Variants in MCC observed in about 807,000 individuals in gnomAD.
MCC encodes the protein MCC regulator of Wnt signaling pathway.
A neutral mutation model predicts 116.2 loss-of-function variants in MCC; 90 were observed. The ratio of observed to expected loss-of-function variants is 0.77; its 90% confidence interval spans 0.65 to 0.92. MCC has a LOEUF of 0.92. MCC is among the 40% of genes least tolerant of loss of function. The probability of loss-of-function intolerance (pLI) is 0.00; values close to 1 mark genes in which losing one functional copy is unlikely to be tolerated. For missense variants in MCC, 1,516 were observed against 1,312.2 expected (o/e 1.16, Z -2.40); for synonymous variants, 578 against 510.5 (o/e 1.13, Z -1.78).
intron 2 of MCC, among the ~76,000 whole-genome samples, chr5:113,381,183 C>G (rs1456603153): frequency 6.6e-6 from 1 of 152,168 alleles, no homozygotes; most frequent in Admixed American, 6.5e-5. Flanking sequence ...TGGGCAGATT[C>G]TGGCTATACT....
chr5:113,164,227 T>C (rs997482813), intron 3 of MCC, among the ~76,000 whole-genome samples: 1 of 152,238 alleles, frequency 6.6e-6, no homozygotes, highest in Non-Finnish European at 1.5e-5. Flanking sequence ...ACTATGTCTA[T>C]GTGCTAAAAA....
chr5:113,486,660 T>C (rs555000338), intron 1 of MCC, among the ~76,000 whole-genome samples: 1 of 152,072 alleles, frequency 6.6e-6, no homozygotes, highest in East Asian at 1.9e-4. Flanking sequence ...CCTGGCCAAA[T>C]TGTGAAGCCC....
chr5:113,416,817 T>G (rs1393210648), intron 1 of MCC, among the ~76,000 whole-genome samples: 1 of 152,202 alleles, frequency 6.6e-6, no homozygotes, highest in East Asian at 1.9e-4. Flanking sequence ...TCTCATTTTA[T>G]TTTACATTTT....
chr5:113,084,560 G>A (rs1755072603), intron 9 of MCC, among the ~76,000 whole-genome samples: 1 of 152,200 alleles, frequency 6.6e-6, no homozygotes, highest in Non-Finnish European at 1.5e-5. Context: ...GAAAACACTG[G>A]TTTAACCTAA....
chr5:113,301,777 A>C (rs1385946772), intron 3 of MCC, among the ~76,000 whole-genome samples: 1 of 152,202 alleles, frequency 6.6e-6, no homozygotes, highest in African/African-American at 2.4e-5. Context: ...ATTTTAATAA[A>C]CTTCAAGTTT....
At chr5:113,325,099 C>G (rs763976101) in intron 3 of MCC, among the ~76,000 whole-genome samples, 3 of 152,130 alleles carry the variant, frequency 2.0e-5, no homozygotes, top group Admixed American at 6.6e-5. Flanking sequence ...CTTGGCCTCT[C>G]AAAGTGTCTA....
chr5:113,179,025 T>G (rs1348580400), intron 3 of MCC, among the ~76,000 whole-genome samples: 2 of 152,122 alleles, frequency 1.3e-5, no homozygotes, highest in Non-Finnish European at 2.9e-5. Flanking sequence ...AAGTCATAAT[T>G]TACTGTTAAA....
chr5:113,432,052 G>C (rs1019995660), intron 1 of MCC, among the ~76,000 whole-genome samples: 2 of 151,720 alleles, frequency 1.3e-5, no homozygotes, highest in African/African-American at 4.8e-5. Flanking sequence ...AGGAGAATTG[G>C]TTGAACCCGG....
Position 113,118,146 on chromosome 5 carries a change from T to G in MCC, c.1027+4538A>C, listed in dbSNP as rs1304387783. ...AGACCTCCAGGGCATCCTTCCAGGTTGGGGATTAAACATGAGGGATGCATG... is the reference window on the plus strand; with the variant it reads ...AGACCTCCAGGGCATCCTTCCAGGTGGGGGATTAAACATGAGGGATGCATG... On this transcript the variant is annotated intron_variant, in intron 6 of 18. Transcript: ENST00000408903. Among the ~76,000 whole-genome samples, 3 of 152,194 alleles carry G rather than the reference T, an allele frequency of 2.0e-5. No homozygotes were observed. In the East Asian group the frequency reaches 5.8e-4, roughly 29 times the overall value.
At chr5:113,216,931 G>A (rs1441399599) in intron 3 of MCC, among the ~76,000 whole-genome samples, 2 of 152,176 alleles carry the variant, frequency 1.3e-5, no homozygotes, top group South Asian at 2.1e-4. Context: ...AATAATATGT[G>A]TAAAATGCCC....
At chr5:113,094,668 C>A (rs916659135) in intron 8 of MCC, among the ~76,000 whole-genome samples, 6 of 152,178 alleles carry the variant, frequency 3.9e-5, no homozygotes, top group African/African-American at 1.2e-4. Context: ...GACCCACCCG[C>A]CTCAGCCTCC....
chr5:113,462,605 A>G (rs1771773961), intron 1 of MCC, among the ~76,000 whole-genome samples: 1 of 152,174 alleles, frequency 6.6e-6, no homozygotes. Flanking sequence ...CCCCAACAGC[A>G]ATTTGTTCTC....
chr5:113,027,329 C>G lies in MCC; in HGVS notation c.3033G>C (p.Arg1011Ser). Residue 1011 changes from arginine (R) to serine (S), a missense_variant, in exon 19 of 19, where the codon AGG (arginine) becomes AGC (serine). By Grantham distance (110) the Arg-to-Ser change is moderately radical (BLOSUM62 -1). Transcript: ENST00000408903. ...AAAGCGAAGTTTCATTGGTGTGTGGCCTGGAGTTCTCCTCCTCTAGCAGAG... is the reference window on the plus strand; with the variant it reads ...AAAGCGAAGTTTCATTGGTGTGTGGGCTGGAGTTCTCCTCCTCTAGCAGAG... ...RIALLEEENS[R>S]PHTNETSL is the part of the protein sequence containing the mutation. 1 of 1,614,174 alleles carries G rather than the reference C, an allele frequency of 6.2e-7. No individual in the cohort carries two copies.
chr5:113,260,877 T>C (rs369462369), intron 3 of MCC, among the ~76,000 whole-genome samples: 7 of 152,156 alleles, frequency 4.6e-5, no homozygotes, highest in East Asian at 3.8e-4. Context: ...AGTTTTCACT[T>C]TCACCTGACA....
intron 6 of MCC, among the ~76,000 whole-genome samples, chr5:113,107,135 A>G (rs1756784236): frequency 6.6e-6 from 1 of 152,134 alleles, no homozygotes; most frequent in Non-Finnish European, 1.5e-5. Flanking sequence ...TAAATAGGCA[A>G]AGAGAAACAC....
At chr5:113,304,990 G>T (rs990243006) in intron 3 of MCC, among the ~76,000 whole-genome samples, 1 of 150,916 alleles carries the variant, frequency 6.6e-6, no homozygotes, top group Non-Finnish European at 1.5e-5. Flanking sequence ...AGAATGTTAC[G>T]GCAGCTACCC....
Position 113,242,499 on chromosome 5 carries a change from C to T in MCC, c.628-91077G>A, listed in dbSNP as rs539628. Among the ~76,000 whole-genome samples, 230 of 151,686 alleles carry T rather than the reference C, an allele frequency of 1.5e-3. 1 individual carries two copies. In the East Asian group the frequency reaches 0.019, roughly 13 times the overall value. ...TTACATTCACATTTAAAAACAACTA[C>T]GCAAAACAGAGATATGAATTAGTAA... On this transcript the variant is annotated intron_variant, in intron 3 of 18. Transcript: ENST00000408903.
rs60134988 is a variant in MCC at position 113,163,798 on chromosome 5, T to C, written c.628-12376A>G. On this transcript the variant is annotated intron_variant, in intron 3 of 18. Coordinates refer to ENST00000408903, the MANE Select transcript of MCC (RefSeq NM_001085377.2). ...TATCTGTCAGACATTTCTGTAAGTGTAACTACACTTAAGATAGTTTATGCA... is the reference window on the plus strand; with the variant it reads ...TATCTGTCAGACATTTCTGTAAGTGCAACTACACTTAAGATAGTTTATGCA... Among the ~76,000 whole-genome samples, 499 of 152,320 alleles carry C rather than the reference T, an allele frequency of 3.3e-3. 7 individuals are homozygous for C. Among genetic ancestry groups the C allele is most frequent in the African/African-American group, 0.011 (471 of 41,562 alleles).
At chr5:113,257,098 TGAA>T (rs770775863) in intron 3 of MCC, among the ~76,000 whole-genome samples, 32 of 152,164 alleles carry the variant, frequency 2.1e-4, no homozygotes, top group Non-Finnish European at 4.1e-4. Flanking sequence ...AACTTATCAG[TGAA>T]GATTAGCAGA....
Sources: gnomAD v4.1 joint callset for allele counts (sites outside exome capture counted in the v4.1 genomes callset) on GRCh38, gnomAD v4.1.1 for gene constraint, MANE v1.5 for transcripts, NCBI Gene and HGNC (gene_info 2026-07-23, HGNC 2026-07-21) for gene names.